MBOAT2: variants seen among roughly 807,000 people sequenced by gnomAD.
The protein encoded by MBOAT2 is membrane bound glycerophospholipid O-acyltransferase 2, also known as membrane-bound glycerophospholipid O-acyltransferase 2.
Under a neutral mutation model 63.4 loss-of-function variants are expected in MBOAT2, and 28 were observed. The ratio of observed to expected loss-of-function variants is 0.44; its 90% CI spans 0.33 to 0.61. The LOEUF is 0.61. Among genes scored for constraint, MBOAT2 ranks in the 20% least tolerant of loss-of-function variants. The pLI, the probability that MBOAT2 is intolerant of heterozygous loss-of-function variation, is 0.03. For missense variants in MBOAT2, 470 were observed against 605.8 expected (o/e 0.78, Z 2.35); for synonymous variants, 211 against 215.6 (o/e 0.98, Z 0.19).
At chr2:8,991,542 G>A (rs1175195713) in intron 1 of MBOAT2, among the ~76,000 whole-genome samples, 1 of 152,156 alleles carries the variant, frequency 6.6e-6, no homozygotes. Flanking sequence ...TTCAACTACT[G>A]CTTGACATGG....
intron 4 of MBOAT2, among the ~76,000 whole-genome samples, chr2:8,899,159 A>G (rs574093581): frequency 6.5e-4 from 99 of 152,296 alleles, no homozygotes; most frequent in African/African-American, 2.2e-3. Context: ...TCCAATGCCC[A>G]GACTTCAGGG....
intron 3 of MBOAT2, among the ~76,000 whole-genome samples, chr2:8,925,627 T>C (rs1666880427): frequency 6.6e-6 from 1 of 152,186 alleles, no homozygotes; most frequent in Non-Finnish European, 1.5e-5. Context: ...ATCAGTTCTG[T>C]TAGAATATAC....
intron 3 of MBOAT2, among the ~76,000 whole-genome samples, chr2:8,930,501 C>T (rs1032137425): frequency 6.6e-6 from 1 of 152,040 alleles, no homozygotes; most frequent in African/African-American, 2.4e-5. Context: ...TGGGTTGGTT[C>T]CAAGTCTTTG....
intron 11 of MBOAT2, chr2:8,861,086 A>G (rs1661460206): frequency 6.2e-6 from 1 of 161,180 alleles, no homozygotes; most frequent in African/African-American, 2.4e-5. Flanking sequence ...ATTAAAATAA[A>G]AGTTTCCAAA....
rs1196283102 is a variant in MBOAT2 at position 8,854,892 on chromosome 2, T to C, written c.*3787A>G. 1 of 152,248 alleles carries C rather than the reference T, an allele frequency of 6.6e-6. No homozygotes were observed. The highest frequency in any genetic ancestry group is 1.5e-5 in the Non-Finnish European group (1 of 68,050). 9.4% of individuals were successfully genotyped at this position (152,248 alleles called of 1,614,324 possible). ...CCTTGAATAACTTTGAGATGTTATA[T>C]AGTGGTAAACCCTGTCCAGTAGTCA... On this transcript the variant is annotated 3_prime_UTR_variant, in exon 13 of 13. Transcript: ENST00000305997.
Position 8,862,404 on chromosome 2 carries a change from G to A in MBOAT2, c.1185+186C>T. 1.5e-6 allele frequency: 2 copies of A among 1,364,958 alleles called. No homozygotes were observed. Among genetic ancestry groups the A allele is most frequent in the Non-Finnish European group, 2.0e-6 (2 of 1,009,666 alleles). The allele number at this position is 1,364,958 out of a possible 1,614,324, so 84.6% of individuals were successfully genotyped here. ...CGTGTTTTCTCCTCACAGGAACTGG[G>A]CATGGAGCCTAGCCCGTGGTGAGCG... On this transcript the variant is annotated intron_variant, in intron 11 of 12. Transcript: ENST00000305997. This position sits in a 1 kb window ranked among gnomAD's most constrained non-coding sequence, Gnocchi z 4.3.
At chr2:8,977,946 G>A (rs151270593) in intron 1 of MBOAT2, among the ~76,000 whole-genome samples, 3 of 152,062 alleles carry the variant, frequency 2.0e-5, no homozygotes, top group Non-Finnish European at 2.9e-5. Flanking sequence ...AAGCTGGCCC[G>A]GACTCTGTCT....
At chr2:8,868,323 A>T in intron 9 of MBOAT2, 123 bp downstream of exon 9, 2 of 766,330 alleles carry the variant, frequency 2.6e-6, no homozygotes, top group South Asian at 3.7e-5. Flanking sequence ...TGGTTAAATG[A>T]AAGAATGAGT....
At chr2:8,973,577 A>G (rs1034197186) in intron 1 of MBOAT2, among the ~76,000 whole-genome samples, 1 of 151,620 alleles carries the variant, frequency 6.6e-6, no homozygotes, top group African/African-American at 2.4e-5. Context: ...GCAACAATAT[A>G]AGTCATATCA....
chr2:8,962,187 A>G (rs1461391554), intron 1 of MBOAT2, among the ~76,000 whole-genome samples: 2 of 152,160 alleles, frequency 1.3e-5, no homozygotes, highest in Admixed American at 6.6e-5. Context: ...GGAGAACTCT[A>G]CTATTATCTC....
At chr2:8,966,971 T>C (rs1443035246) in intron 1 of MBOAT2, among the ~76,000 whole-genome samples, 4 of 152,210 alleles carry the variant, frequency 2.6e-5, no homozygotes, top group African/African-American at 9.7e-5. Context: ...CTAAATATAT[T>C]CTGGTTTATC....
Position 8,858,483 on chromosome 2 carries a change from G to A in MBOAT2, c.*196C>T, listed in dbSNP as rs549128193. 1.7e-5 allele frequency: 9 copies of A among 526,854 alleles called. No homozygotes were observed. Among genetic ancestry groups the A allele is most frequent in the Non-Finnish European group, 3.0e-5 (9 of 298,924 alleles). 32.6% of individuals were successfully genotyped at this position (526,854 alleles called of 1,614,324 possible). A position where few individuals can be genotyped will look rare whatever the true frequency, so the allele number is the denominator to read the frequency against. ...ATATGGAAATATTCTTACATAAGGC[G>A]TGGCCCACGGAGACATGGCATGGGA... On this transcript the variant is annotated 3_prime_UTR_variant, in exon 13 of 13. Transcript: ENST00000305997.
rs1053960322 is a variant in MBOAT2, at chr2:8,857,241, A to G, written c.*1438T>C. 2 of 152,652 alleles carry G rather than the reference A, an allele frequency of 1.3e-5. No individual in the cohort carries two copies. Among genetic ancestry groups the G allele is most frequent in the African/African-American group, 2.4e-5 (1 of 41,468 alleles). 9.5% of individuals were successfully genotyped at this position (152,652 alleles called of 1,614,324 possible). ...TAAGTTCCATACATAGGTCAAACAAAGGTGAAGTCAGAAGGCTTTGCCCCC... is the reference window on the plus strand; with the variant it reads ...TAAGTTCCATACATAGGTCAAACAAGGGTGAAGTCAGAAGGCTTTGCCCCC... On this transcript the variant is annotated 3_prime_UTR_variant, in exon 13 of 13. Transcript: ENST00000305997.
intron 4 of MBOAT2, among the ~76,000 whole-genome samples, chr2:8,898,047 C>T (rs1223415867): frequency 6.6e-6 from 1 of 152,148 alleles, no homozygotes; most frequent in African/African-American, 2.4e-5. Context: ...ACAGTGAGGC[C>T]AATCTTTTGC....
At chr2:8,987,539 C>T (rs551601492) in intron 1 of MBOAT2, among the ~76,000 whole-genome samples, 15 of 152,336 alleles carry the variant, frequency 9.8e-5, no homozygotes, top group African/African-American at 3.6e-4. Context: ...GCTGAAAACA[C>T]TCACATTTCT....
At position 8,857,822 on chromosome 2, in the gene MBOAT2, G is replaced by A. The variant is rs549606158; in HGVS notation, c.*857C>T. The A allele has an allele frequency of 1.3e-5, 2 of 152,250 alleles. No individual in the cohort carries two copies. Among genetic ancestry groups the A allele is most frequent in the East Asian group, 1.9e-4 (1 of 5,180 alleles). The allele number at this position is 152,250 out of a possible 1,614,324, so 9.4% of individuals were successfully genotyped here. ...ACATGACGGCGCAGAGCCCTGGCAT[G>A]GGGGGGAAGCTGCCTGCAGAGTCGC... On this transcript the variant is annotated 3_prime_UTR_variant, in exon 13 of 13. Transcript: ENST00000305997.
chr2:8,990,401 A>G (rs1297942517), intron 1 of MBOAT2, among the ~76,000 whole-genome samples: 1 of 152,238 alleles, frequency 6.6e-6, no homozygotes, highest in Admixed American at 6.5e-5. Flanking sequence ...AAGCAATCCA[A>G]GTCCAGCCTC....
chr2:8,971,459 A>C (rs530855385), intron 1 of MBOAT2, among the ~76,000 whole-genome samples: 1 of 152,150 alleles, frequency 6.6e-6, no homozygotes, highest in Non-Finnish European at 1.5e-5. Context: ...ACTGGCACAA[A>C]ACAGGGATGC....
At chr2:8,880,654 G>C (rs993525287) in intron 6 of MBOAT2, among the ~76,000 whole-genome samples, 2 of 152,232 alleles carry the variant, frequency 1.3e-5, no homozygotes, top group Admixed American at 1.3e-4. Flanking sequence ...GGCCAGGCTA[G>C]TGGTAAGGCA....
Sources: gnomAD v4.1 joint callset for allele counts (sites outside exome capture counted in the v4.1 genomes callset) on GRCh38, gnomAD v4.1.1 for gene constraint, Gnocchi (gnomAD v3.1) non-coding constraint, MANE v1.5 for transcripts, NCBI Gene and HGNC (gene_info 2026-07-23, HGNC 2026-07-21) for gene names.